GABBR2: variants seen among roughly 807,000 people sequenced by gnomAD.
The protein encoded by GABBR2 is gamma-aminobutyric acid type B receptor subunit 2.
In GABBR2, 23 loss-of-function variants were observed where a neutral mutation model predicts 105.6. The ratio of observed to expected loss-of-function variants is 0.22; its 90% CI spans 0.16 to 0.31. The LOEUF (loss-of-function observed/expected upper bound fraction) is 0.31. GABBR2 is among the 10% of genes least tolerant of loss of function. The probability of loss-of-function intolerance (pLI) is 1.00; values close to 1 mark genes in which losing one functional copy is unlikely to be tolerated. For missense variants in GABBR2, 734 were observed against 1,245.5 expected (o/e 0.59, Z 6.18); for synonymous variants, 478 against 499.7 (o/e 0.96, Z 0.58).
chr9:98,497,427 T>C (rs1016833892), intron 3 of GABBR2, among the ~76,000 whole-genome samples: 2 of 149,946 alleles, frequency 1.3e-5, no homozygotes, highest in African/African-American at 4.9e-5. Flanking sequence ...TATTTTGAAT[T>C]AAAAAAAAAA....
Position 98,598,999 on chromosome 9 carries a change from A to C in GABBR2, c.322-20927T>G, listed in dbSNP as rs937780351. Among the ~76,000 whole-genome samples, 4 of 152,172 alleles carry C rather than the reference A, an allele frequency of 2.6e-5. No homozygotes were observed. The East Asian group carries it at 7.7e-4, about 29-fold the overall frequency. ...CTCTGAAGTAGACCTACCTGAAGGC[A>C]AGAACCATGCCTGTGCCATCTTTCT... On this transcript the variant is annotated intron_variant, in intron 1 of 18. Coordinates refer to ENST00000259455, the MANE Select transcript of GABBR2 (RefSeq NM_005458.8).
At chr9:98,445,359 G>T (rs1289773617) in intron 7 of GABBR2, among the ~76,000 whole-genome samples, 1 of 152,226 alleles carries the variant, frequency 6.6e-6, no homozygotes, top group African/African-American at 2.4e-5. Flanking sequence ...TGTGGGGGTA[G>T]GTAAGGAGGA....
chr9:98,447,671 C>T (rs1826160369), intron 7 of GABBR2, among the ~76,000 whole-genome samples: 1 of 151,856 alleles, frequency 6.6e-6, no homozygotes, highest in Non-Finnish European at 1.5e-5. Flanking sequence ...GGGTTTGAGC[C>T]AACATTGCAA....
chr9:98,444,384 C>T (rs1031794727), intron 7 of GABBR2, among the ~76,000 whole-genome samples: 1 of 151,972 alleles, frequency 6.6e-6, no homozygotes, highest in African/African-American at 2.4e-5. Flanking sequence ...GGGGAGAGAC[C>T]TGACATAGGT....
intron 13 of GABBR2, among the ~76,000 whole-genome samples, chr9:98,325,989 G>A (rs188026529): frequency 2.5e-4 from 38 of 152,222 alleles, no homozygotes; most frequent in African/African-American, 8.7e-4. Flanking sequence ...TGACCTCCTT[G>A]TCATCTCGTC....
intron 1 of GABBR2, among the ~76,000 whole-genome samples, chr9:98,696,386 G>A (rs917493225): frequency 6.6e-6 from 1 of 152,230 alleles, no homozygotes; most frequent in Non-Finnish European, 1.5e-5. Context: ...GGCTTGCAAA[G>A]CTGTGGGAGA....
intron 7 of GABBR2, among the ~76,000 whole-genome samples, chr9:98,449,275 C>T (rs1282877270): frequency 6.6e-6 from 1 of 152,196 alleles, no homozygotes; most frequent in Non-Finnish European, 1.5e-5. Flanking sequence ...ACCTTGGATA[C>T]TGCCTAGCAA....
Position 98,306,390 on chromosome 9 carries a change from G to T in GABBR2, c.2005-45C>A. On this transcript the variant is annotated intron_variant, in intron 14 of 18. Coordinates refer to ENST00000259455, the MANE Select transcript of GABBR2 (RefSeq NM_005458.8). This position sits in a 1 kb window ranked among gnomAD's most constrained non-coding sequence, Gnocchi z 5.4. ...GGGGAGAGATGATCGTTACCAAGGG[G>T]TGGCACACACAGGCTGCTCTGAGAA... is the stretch of plus-strand genomic sequence containing the variant. 7.1e-7 allele frequency: 1 copy of T among 1,401,188 alleles called. No homozygotes were observed. The highest frequency in any genetic ancestry group is 1.2e-5 in the South Asian group (1 of 83,822). 86.8% of individuals were successfully genotyped at this position (1,401,188 alleles called of 1,614,324 possible).
chr9:98,660,465 A>G (rs368197437), intron 1 of GABBR2, among the ~76,000 whole-genome samples: 19 of 152,248 alleles, frequency 1.2e-4, no homozygotes, highest in African/African-American at 4.6e-4. Context: ...TAGCACACAT[A>G]TTTGTGACTA....
In GABBR2 at chr9:98,586,220, C is replaced by T. The variant is rs371790921; in HGVS notation, c.322-8148G>A. Among the ~76,000 whole-genome samples the T allele has an allele frequency of 1.3e-4, 20 of 152,158 alleles. No individual in the cohort carries two copies. The East Asian group carries it at 3.7e-3, about 28-fold the overall frequency. On this transcript the variant is annotated intron_variant, in intron 1 of 18. Transcript: ENST00000259455. ...GCGCCCACACCTGCACATAGCCCTC[C>T]TTTACCCAGGGGGAGCCCCAGGCCT...
intron 1 of GABBR2, among the ~76,000 whole-genome samples, chr9:98,679,030 T>C (rs1028637694): frequency 6.6e-6 from 1 of 152,072 alleles, no homozygotes; most frequent in Non-Finnish European, 1.5e-5. Flanking sequence ...TCTTAGCAAA[T>C]GGGAAAGAGG....
intron 7 of GABBR2, among the ~76,000 whole-genome samples, chr9:98,410,922 A>C (rs1458538612): frequency 6.6e-6 from 1 of 152,202 alleles, no homozygotes; most frequent in Non-Finnish European, 1.5e-5. Context: ...ATCTGCCACA[A>C]CAGTCTCTAC....
chr9:98,505,000 G>A (rs912176099), intron 3 of GABBR2, among the ~76,000 whole-genome samples: 2 of 152,226 alleles, frequency 1.3e-5, no homozygotes, highest in African/African-American at 4.8e-5. Context: ...TAGAGGGGGG[G>A]CACCAGGTTC....
intron 7 of GABBR2, among the ~76,000 whole-genome samples, chr9:98,425,507 G>T (rs1825665965): frequency 6.6e-6 from 1 of 152,190 alleles, no homozygotes; most frequent in African/African-American, 2.4e-5. Context: ...CACGCACTGT[G>T]CTGGGCTCTA....
At chr9:98,551,089 C>T (rs16917019) in intron 2 of GABBR2, among the ~76,000 whole-genome samples, 46,902 of 151,982 alleles carry the variant, frequency 0.31, 8,330 homozygotes, top group African/African-American at 0.49. Flanking sequence ...TATGAACACA[C>T]GTCTGACTTG....
intron 13 of GABBR2, 89 bp downstream of exon 13, chr9:98,362,626 G>T: frequency 9.5e-7 from 1 of 1,056,724 alleles, no homozygotes; most frequent in Non-Finnish European, 1.3e-6. Flanking sequence ...GTGGGGTACT[G>T]GGCAGTCTGG....
chr9:98,492,114 G>A (rs376331433), intron 4 of GABBR2, among the ~76,000 whole-genome samples: 5 of 152,000 alleles, frequency 3.3e-5, no homozygotes, highest in African/African-American at 1.2e-4. Flanking sequence ...TCCTGGCCTA[G>A]ATATTTGTAA....
At chr9:98,586,723 C>G (rs1482855489) in intron 1 of GABBR2, among the ~76,000 whole-genome samples, 1 of 152,218 alleles carries the variant, frequency 6.6e-6, no homozygotes, top group Non-Finnish European at 1.5e-5. Flanking sequence ...TGAAACTTGC[C>G]CTTATGGCTC....
intron 13 of GABBR2, among the ~76,000 whole-genome samples, chr9:98,354,243 G>C (rs1831449310): frequency 1.3e-5 from 2 of 152,208 alleles, no homozygotes; most frequent in Non-Finnish European, 1.5e-5. Flanking sequence ...TCCATTTATA[G>C]AGCACAGGCA....
Sources: allele counts gnomAD v4.1 joint callset (sites outside exome capture counted in the v4.1 genomes callset), GRCh38; gene constraint gnomAD v4.1.1; non-coding constraint Gnocchi (gnomAD v3.1); transcripts MANE v1.5; gene names NCBI Gene and HGNC (gene_info 2026-07-23, HGNC 2026-07-21).